The following ZNF8 variants were observed in gnomAD, a reference collection of about 807,000 sequenced individuals.
ZNF8 encodes the protein zinc finger protein 8, also known as zinc finger protein 272.
A neutral mutation model predicts 12.2 loss-of-function variants in ZNF8; 9 were observed. The ratio of observed to expected loss-of-function variants is 0.73; its 90% CI spans 0.44 to 1.28. The LOEUF (loss-of-function observed/expected upper bound fraction) is 1.28. Ranked by LOEUF, ZNF8 falls within the 50% of genes most tolerant of loss-of-function variation. The pLI is 0.00. For synonymous variants in ZNF8, 274 were observed against 282.3 expected (o/e 0.97, Z 0.30); for missense variants, 664 against 729.1 (o/e 0.91, Z 1.03).
rs1350794022 is a variant in ZNF8, at chr19:58,295,256, T to C, written c.1448T>C (p.Ile483Thr). ...TGTTTCATTCAGAGCTCTCACCTCA[T>C]CCGGCACCAGATAACTCACACCAGA... ...GKCFIQSSHL[I>T]RHQITHTREE... The change falls in exon 4 of 4, where the codon ATC becomes ACC. Residue 483 changes from isoleucine to threonine, a missense_variant. Around this residue, in one of 3 missense-constraint regions of ZNF8, gnomAD observed 225 missense variants for 222.0 expected, o/e 1.01. Coordinates refer to ENST00000621650, the MANE Select transcript of ZNF8 (RefSeq NM_021089.3). The C allele has an allele frequency of 1.1e-5, 17 of 1,614,072 alleles. No individual in the cohort carries two copies. Among genetic ancestry groups the C allele is most frequent in the Non-Finnish European group, 1.4e-5 (17 of 1,180,042 alleles).
At chr19:58,291,538 G>A (rs563473481) in intron 3 of ZNF8, among the ~76,000 whole-genome samples, 18 of 152,300 alleles carry the variant, frequency 1.2e-4, no homozygotes, top group African/African-American at 4.1e-4. Context: ...CTCTCAGGCA[G>A]TCTCCCAGCT....
At chr19:58,285,966 C>G in intron 2 of ZNF8, 123 bp downstream of exon 2, 2 of 1,448,968 alleles carry the variant, frequency 1.4e-6, no homozygotes, top group Non-Finnish European at 9.4e-7. Context: ...AGAGGGAGGT[C>G]TGCCCTTTTC....
rs567942137 is a variant in ZNF8, at chr19:58,279,001, G to T, written c.-81G>T. ...CGGCCGCCATTGTCCGGCGTTCGGC[G>T]AGTCGGGTGGTCCCTTTGGCTGGAG... On this transcript the variant is annotated 5_prime_UTR_variant, in exon 1 of 4. Coordinates refer to ENST00000621650, the MANE Select transcript of ZNF8 (RefSeq NM_021089.3). 2.2e-6 allele frequency: 3 copies of T among 1,343,946 alleles called. No homozygotes were observed. The highest frequency in any genetic ancestry group is 5.9e-5 in the East Asian group (2 of 34,102). 83.3% of individuals were successfully genotyped at this position (1,343,946 alleles called of 1,614,324 possible).
intron 3 of ZNF8, among the ~76,000 whole-genome samples, chr19:58,290,403 C>G (rs186296930): frequency 6.6e-6 from 1 of 152,092 alleles, no homozygotes; most frequent in Non-Finnish European, 1.5e-5. Flanking sequence ...CGTGAGCCAC[C>G]GCGCCCGGCC....
In ZNF8 at chr19:58,298,854, T is replaced by C. The variant is rs2051473226; in HGVS notation, c.*3318T>C. On this transcript the variant is annotated 3_prime_UTR_variant, in exon 4 of 4. Coordinates refer to ENST00000621650, the MANE Select transcript of ZNF8 (RefSeq NM_021089.3). ...ATTTTTCTTTTTTCTTTTTCTTTTT[T>C]TTTTTTGTGATGGAGACTTGCTCTG... 1 of 152,020 alleles carries C rather than the reference T, an allele frequency of 6.6e-6. No individual in the cohort carries two copies. The highest frequency in any genetic ancestry group is 6.5e-5 in the Admixed American group (1 of 15,272). 9.4% of individuals were successfully genotyped at this position (152,020 alleles called of 1,614,324 possible).
chr19:58,288,612 G>A (rs890805877), intron 3 of ZNF8, among the ~76,000 whole-genome samples: 8 of 152,124 alleles, frequency 5.3e-5, no homozygotes, highest in African/African-American at 7.2e-5. Flanking sequence ...TGGCTTGGGC[G>A]AGTCATGGTC....
rs5828757 is a variant in ZNF8, at chr19:58,297,234, GAAAA to G, written c.*1705_*1708del. On this transcript the variant is annotated 3_prime_UTR_variant, in exon 4 of 4. Coordinates refer to ENST00000621650, the MANE Select transcript of ZNF8 (RefSeq NM_021089.3). ...GGTGACAGAGCAAGACTCTGTCTCA[GAAAA>G]AAAAAAGAAAAGAAAAAAAACCTTC... The G allele has an allele frequency of 6.7e-6, 1 of 148,582 alleles. No individual in the cohort carries two copies. The highest frequency in any genetic ancestry group is 1.5e-5 in the Non-Finnish European group (1 of 67,180). The allele number at this position is 148,582 out of a possible 1,614,324, so 9.2% of individuals were successfully genotyped here.
intron 3 of ZNF8, among the ~76,000 whole-genome samples, chr19:58,293,773 C>T (rs972335337): frequency 1.3e-5 from 2 of 152,196 alleles, no homozygotes; most frequent in Non-Finnish European, 2.9e-5. Context: ...GAGAAACCAG[C>T]CCTGCCAACA....
At chr19:58,281,109 C>T (rs1050875278) in intron 1 of ZNF8, among the ~76,000 whole-genome samples, 20 of 152,140 alleles carry the variant, frequency 1.3e-4, no homozygotes, top group African/African-American at 4.1e-4. Context: ...CTCAGTCTAC[C>T]ATAGCCAGGC....
intron 1 of ZNF8, chr19:58,279,457 C>T (rs1306250707): frequency 2.8e-6 from 4 of 1,452,754 alleles, no homozygotes; most frequent in Admixed American, 5.1e-5. Context: ...GCCCCGCCGA[C>T]ACCCTTGCCC....
chr19:58,289,882 C>T (rs146787396), intron 3 of ZNF8, among the ~76,000 whole-genome samples: 21 of 150,570 alleles, frequency 1.4e-4, no homozygotes, highest in East Asian at 1.4e-3. Flanking sequence ...CTGCAGCCTC[C>T]GCCTTCCCAG....
chr19:58,290,026 G>A (rs2051407710), intron 3 of ZNF8, among the ~76,000 whole-genome samples: 1 of 150,556 alleles, frequency 6.6e-6, no homozygotes, highest in Admixed American at 6.6e-5. Flanking sequence ...TCAATCTCTT[G>A]ACCTTGTGAT....
Position 58,279,709 on chromosome 19 carries a change from CTG to C in ZNF8, c.66+565_66+566del, listed in dbSNP as rs368569901. ...ACCACCAGGGTCGTCCCCTGCGAGA[CTG>C]TGGGAGAACTGCAGTGCAGGGCGGT... On this transcript the variant is annotated intron_variant, in intron 1 of 3. Transcript: ENST00000621650. The C allele has an allele frequency of 7.9e-4, 1,211 of 1,526,234 alleles. 5 individuals carry two copies. In the African/African-American group the frequency reaches 0.015, roughly 19 times the overall value. 94.5% of individuals were successfully genotyped at this position (1,526,234 alleles called of 1,614,324 possible). A position where few individuals can be genotyped will look rare whatever the true frequency, so the allele number is the denominator to read the frequency against.
intron 3 of ZNF8, chr19:58,286,518 G>A (rs1440112116): frequency 3.9e-6 from 1 of 258,756 alleles, no homozygotes; most frequent in African/African-American, 2.2e-5. Flanking sequence ...GCTCTACCAG[G>A]GAATCTTGTT....
intron 3 of ZNF8, among the ~76,000 whole-genome samples, chr19:58,289,865 C>T (rs752134922): frequency 1.5e-4 from 23 of 149,818 alleles, no homozygotes; most frequent in Non-Finnish European, 2.7e-4. Flanking sequence ...GGTGTGATCT[C>T]GGCTCACTGC....
At chr19:58,283,991 G>A (rs2051367157) in intron 1 of ZNF8, among the ~76,000 whole-genome samples, 1 of 152,186 alleles carries the variant, frequency 6.6e-6, no homozygotes, top group Non-Finnish European at 1.5e-5. Context: ...AGGAGGACAA[G>A]GCGAGAGGAT....
At chr19:58,286,053 G>A (rs2051381137) in intron 2 of ZNF8, 57 bp from the exon 3 acceptor site, 1 of 1,564,254 alleles carries the variant, frequency 6.4e-7, no homozygotes. Context: ...TGGAGCCTGG[G>A]CTTGTTGTTT....
rs540934756 is a variant in ZNF8, at chr19:58,287,307, G to A, written c.289+1102G>A. On this transcript the variant is annotated intron_variant, in intron 3 of 3. Transcript: ENST00000621650. ...ACCTACTTTGGCCTCCCAAAGTGCT[G>A]GGACTACAGGCGTGAGCCACCATGC... 1.0e-4 allele frequency among the ~76,000 whole-genome samples: 15 copies of A among 150,186 alleles called. No homozygotes were observed. In the East Asian group the frequency reaches 2.9e-3, roughly 29 times the overall value.
Position 58,301,268 on chromosome 19 carries a change from G to C in ZNF8, c.*5732G>C, listed in dbSNP as rs1458096788. 6.6e-6 allele frequency: 1 copy of C among 152,200 alleles called. No homozygotes were observed. The highest frequency in any genetic ancestry group is 2.4e-5 in the African/African-American group (1 of 41,434). The allele number at this position is 152,200 out of a possible 1,614,324, so 9.4% of individuals were successfully genotyped here. A position where few individuals can be genotyped will look rare whatever the true frequency, so the allele number is the denominator to read the frequency against. ...TCCCATCATGGAAGCCAGAAAACCAGTCTTCTTGACCTCTCCCCTTCCCCA... is the reference window on the plus strand; with the variant it reads ...TCCCATCATGGAAGCCAGAAAACCACTCTTCTTGACCTCTCCCCTTCCCCA... On this transcript the variant is annotated 3_prime_UTR_variant, in exon 4 of 4. Transcript: ENST00000621650.
Sources: allele counts gnomAD v4.1 joint callset (sites outside exome capture counted in the v4.1 genomes callset), GRCh38; gene constraint gnomAD v4.1.1; regional missense constraint gnomAD v4.1.1; transcripts MANE v1.5; gene names NCBI Gene and HGNC (gene_info 2026-07-23, HGNC 2026-07-21).